The following IL3RA variants were observed in gnomAD, a reference collection of about 807,000 sequenced individuals.
IL3RA encodes interleukin 3 receptor subunit alpha, also known as interleukin-3 receptor subunit alpha.
Under a neutral mutation model 52.3 loss-of-function variants are expected in IL3RA, and 73 were observed. The observed-to-expected ratio is 1.40, with a 90% CI of 1.16 to 1.70. IL3RA has a LOEUF of 1.70. Among genes scored for constraint, IL3RA ranks in the 40% most tolerant of loss-of-function variants. The pLI, the probability that IL3RA is intolerant of heterozygous loss-of-function variation, is 0.00. For missense variants in IL3RA, 664 were observed against 504.4 expected (o/e 1.32, Z -3.03); for synonymous variants, 260 against 194.0 (o/e 1.34, Z -2.83).
rs190656337 is a variant in IL3RA at position 1,342,014 on chromosome X, A to G, written c.64+185A>G. On this transcript the variant is annotated intron_variant, in intron 2 of 11. Coordinates refer to ENST00000331035, the MANE Select transcript of IL3RA (RefSeq NM_002183.4). ...GTCACCAAGTTCCCTGTAATGCAGC[A>G]TCTTGCAAAACGGTAATACGACCTC... 1.1e-3 allele frequency among the ~76,000 whole-genome samples: 167 copies of G among 152,156 alleles called. 1 individual carries two copies. The highest frequency in any genetic ancestry group is 3.7e-3 in the African/African-American group (155 of 41,522).
intron 3 of IL3RA, among the ~76,000 whole-genome samples, chrX:1,348,059 A>T (rs189829347): frequency 6.9e-6 from 1 of 144,148 alleles, no homozygotes; most frequent in African/African-American, 2.6e-5. Flanking sequence ...AACAGAAAAA[A>T]GTCTTGGCCG....
intron 4 of IL3RA, among the ~76,000 whole-genome samples, chrX:1,350,053 T>C (rs1406098787): frequency 6.6e-6 from 1 of 152,184 alleles, no homozygotes; most frequent in Non-Finnish European, 1.5e-5. Flanking sequence ...ATTTCATTAA[T>C]ACAACTGTCT....
At chrX:1,361,127 C>A (rs1370987626) in intron 8 of IL3RA, among the ~76,000 whole-genome samples, 1 of 143,384 alleles carries the variant, frequency 7.0e-6, no homozygotes, top group Non-Finnish European at 1.5e-5. Flanking sequence ...GTCTCTCTCT[C>A]CCTTCCCCTC....
intron 10 of IL3RA, among the ~76,000 whole-genome samples, chrX:1,379,979 T>C (rs765517061): frequency 1.3e-5 from 2 of 152,094 alleles, no homozygotes; most frequent in Non-Finnish European, 1.5e-5. Context: ...AGGCTGGTCT[T>C]GAACTCCTGA....
chrX:1,340,069 C>T (rs1249651735), intron 1 of IL3RA, among the ~76,000 whole-genome samples: 2 of 151,500 alleles, frequency 1.3e-5, no homozygotes, highest in Non-Finnish European at 2.9e-5. Flanking sequence ...CAGCTCGAGC[C>T]AAGAACGGGC....
chrX:1,360,896 C>T (rs1329103761), intron 8 of IL3RA, among the ~76,000 whole-genome samples: 30 of 144,204 alleles, frequency 2.1e-4, no homozygotes, highest in African/African-American at 6.6e-4. Context: ...TCTCTCCCTT[C>T]CCCTCTCTGT....
chrX:1,354,656 G>A (rs1826129150), intron 6 of IL3RA, among the ~76,000 whole-genome samples: 1 of 92,772 alleles, frequency 1.1e-5, no homozygotes, highest in Non-Finnish European at 2.3e-5. Context: ...GTGGAGATGG[G>A]GAGGGGAGGA....
At chrX:1,359,510 C>A (rs1484787465) in intron 8 of IL3RA, among the ~76,000 whole-genome samples, 6 of 146,502 alleles carry the variant, frequency 4.1e-5, no homozygotes, top group South Asian at 2.2e-4. Context: ...CTCCCTCCCC[C>A]TCTCTGTATC....
intron 1 of IL3RA, among the ~76,000 whole-genome samples, chrX:1,340,842 C>T (rs7063473): frequency 0.84 from 127,284 of 152,054 alleles, 54,360 homozygotes; most frequent in Non-Finnish European, 0.93. Flanking sequence ...GTGGGCTGGA[C>T]GCGGTGGCTG....
At chrX:1,381,937 TG>T (rs2089195472) in intron 11 of IL3RA, among the ~76,000 whole-genome samples, 1 of 151,544 alleles carries the variant, frequency 6.6e-6, no homozygotes. Context: ...TTTTTTGTTT[TG>T]TTTTGTTTTG....
In IL3RA at chrX:1,382,546, T is replaced by G. The variant is rs2089231182; in HGVS notation, c.*81T>G. The G allele has an allele frequency of 3.5e-5, 45 of 1,279,676 alleles. No individual in the cohort carries two copies. The Middle Eastern group carries it at 6.1e-4, about 17-fold the overall frequency. 79.3% of individuals were successfully genotyped at this position (1,279,676 alleles called of 1,614,324 possible). ...GCCTGCACAGACTGGCTGCTGGACCTGCGCACGCAGCCCAGGAATGGACAT... is the reference window on the plus strand; with the variant it reads ...GCCTGCACAGACTGGCTGCTGGACCGGCGCACGCAGCCCAGGAATGGACAT... On this transcript the variant is annotated 3_prime_UTR_variant, in exon 12 of 12. Coordinates refer to ENST00000331035, the MANE Select transcript of IL3RA (RefSeq NM_002183.4).
intron 3 of IL3RA, among the ~76,000 whole-genome samples, chrX:1,347,727 C>G (rs1344676911): frequency 1.3e-5 from 2 of 151,678 alleles, no homozygotes; most frequent in African/African-American, 2.4e-5. Context: ...TATTTTTATT[C>G]AAGCTTTTGT....
chrX:1,342,461 C>T (rs1336672482), intron 2 of IL3RA, among the ~76,000 whole-genome samples: 3 of 151,768 alleles, frequency 2.0e-5, no homozygotes, highest in Non-Finnish European at 2.9e-5. Context: ...CCACAGCGCC[C>T]GGCCTTTTTT....
chrX:1,354,332 C>G (rs558510284), intron 6 of IL3RA, among the ~76,000 whole-genome samples: 2 of 151,974 alleles, frequency 1.3e-5, no homozygotes, highest in African/African-American at 4.8e-5. Flanking sequence ...ACCCGAGCTC[C>G]GAGGAACCTC....
rs1328182957 is a variant in IL3RA, at chrX:1,365,481, AGCCGGGTGC to A, written c.874+232_874+240del. Among the ~76,000 whole-genome samples, 39 of 22,602 alleles carry A rather than the reference AGCCGGGTGC, an allele frequency of 1.7e-3. 2 individuals are homozygous for A. The highest frequency in any genetic ancestry group is 4.9e-3 in the African/African-American group (11 of 2,236). 14.8% of individuals were successfully genotyped at this position (22,602 alleles called of 152,430 possible). A position where few individuals can be genotyped will look rare whatever the true frequency, so the allele number is the denominator to read the frequency against. Reference sequence around the variant, plus strand: ...CGGGGTGCGCGGGGTGAGCGGGGTGAGCCGGGTGCGCGGGGTGAGCCGGGTGAGCGGGGT... The same window carrying A: ...CGGGGTGCGCGGGGTGAGCGGGGTGAGCGGGGTGAGCCGGGTGAGCGGGGT... On this transcript the variant is annotated intron_variant, in intron 9 of 11. Coordinates refer to ENST00000331035, the MANE Select transcript of IL3RA (RefSeq NM_002183.4).
At chrX:1,367,707 C>CGCGGGGTGAGCCGGGTGCGCGGGGTGA (rs2088239496) in intron 9 of IL3RA, among the ~76,000 whole-genome samples, 1 of 99,998 alleles carries the variant, frequency 1.0e-5, no homozygotes, top group African/African-American at 4.2e-5. Flanking sequence ...GAGCCGGGTG[C>CGCGGGGTGAGCCGGGTGCGCGGGGTGA]GCGGGGTGAG....
intron 10 of IL3RA, among the ~76,000 whole-genome samples, chrX:1,380,331 C>T (rs2089084320): frequency 1.4e-5 from 2 of 142,820 alleles, no homozygotes; most frequent in African/African-American, 5.2e-5. Context: ...ACCAGCCAGG[C>T]CCTGTTTCCT....
chrX:1,343,058 G>C (rs17881009), intron 2 of IL3RA, among the ~76,000 whole-genome samples: 2 of 151,834 alleles, frequency 1.3e-5, no homozygotes, highest in African/African-American at 4.8e-5. Flanking sequence ...CTGGGCGACA[G>C]AGTGAGACTC....
At chrX:1,351,414 T>C (rs2086077304) in intron 4 of IL3RA, among the ~76,000 whole-genome samples, 1 of 151,872 alleles carries the variant, frequency 6.6e-6, no homozygotes, top group South Asian at 2.1e-4. Context: ...CTGCAACCTC[T>C]GCCTCCTGGG....
Sources: allele counts gnomAD v4.1 joint callset (sites outside exome capture counted in the v4.1 genomes callset), GRCh38; gene constraint gnomAD v4.1.1; transcripts MANE v1.5; gene names NCBI Gene and HGNC (gene_info 2026-07-23, HGNC 2026-07-21).